Variants in ANO3 observed in about 807,000 individuals in gnomAD.
ANO3 encodes anoctamin 3, also known as anoctamin-3.
A neutral mutation model predicts 144.8 loss-of-function variants in ANO3; 99 were observed. The ratio of observed to expected loss-of-function variants is 0.68; its 90% CI spans 0.58 to 0.81. ANO3 has a LOEUF of 0.81. Among genes scored for constraint, ANO3 ranks in the 30% least tolerant of loss-of-function variants. The probability of loss-of-function intolerance (pLI) is 0.00; values close to 1 mark genes in which losing one functional copy is unlikely to be tolerated. For missense variants in ANO3, 905 were observed against 1,202.2 expected (o/e 0.75, Z 3.66); for synonymous variants, 414 against 392.6 (o/e 1.05, Z -0.64).
At chr11:26,193,420 G>A (rs34566602) in intron 1 of ANO3, among the ~76,000 whole-genome samples, 35,872 of 151,980 alleles carry the variant, frequency 0.24, 4,906 homozygotes, top group Non-Finnish European at 0.29. Flanking sequence ...GATTACAGGC[G>A]TCAGCCACCA....
chr11:26,417,023 A>G (rs1236229138), intron 1 of ANO3, among the ~76,000 whole-genome samples: 1 of 152,112 alleles, frequency 6.6e-6, no homozygotes, highest in Non-Finnish European at 1.5e-5. Flanking sequence ...AGACCAAGAA[A>G]AAATATACTA....
At chr11:26,372,126 G>T (rs1345202940) in intron 1 of ANO3, among the ~76,000 whole-genome samples, 7 of 152,236 alleles carry the variant, frequency 4.6e-5, no homozygotes, top group Non-Finnish European at 1.0e-4. Flanking sequence ...GACTAGGTGG[G>T]AGGTAATTGA....
At chr11:26,195,993 T>C (rs564579226) in intron 1 of ANO3, among the ~76,000 whole-genome samples, 1 of 152,326 alleles carries the variant, frequency 6.6e-6, no homozygotes, top group Admixed American at 6.5e-5. Context: ...TTTTCCATTG[T>C]TCTGCCTATT....
At chr11:26,206,135 AG>A (rs1376472692) in intron 1 of ANO3, among the ~76,000 whole-genome samples, 23 of 152,304 alleles carry the variant, frequency 1.5e-4, no homozygotes, top group African/African-American at 5.3e-4. Flanking sequence ...ATTTAAATAC[AG>A]GTTTATGTGG....
chr11:26,344,009 G>A (rs1377738670), intron 1 of ANO3, among the ~76,000 whole-genome samples: 2 of 152,056 alleles, frequency 1.3e-5, no homozygotes, highest in African/African-American at 4.8e-5. Context: ...TTCTTAGGCC[G>A]ATTTTTAAAA....
At chr11:26,510,704 A>G (rs1234697674) in intron 5 of ANO3, among the ~76,000 whole-genome samples, 1 of 152,224 alleles carries the variant, frequency 6.6e-6, no homozygotes, top group East Asian at 1.9e-4. Context: ...TACAGTCAGT[A>G]TAGGAGTCAG....
chr11:26,463,780 T>C (rs1859500932), intron 4 of ANO3, among the ~76,000 whole-genome samples: 1 of 151,886 alleles, frequency 6.6e-6, no homozygotes, highest in Non-Finnish European at 1.5e-5. Context: ...CATGGGAGTG[T>C]TCCCATCAGA....
rs573756118 is a variant in ANO3, at chr11:26,495,256, C to T, written c.433-12848C>T. 1.2e-4 allele frequency among the ~76,000 whole-genome samples: 18 copies of T among 146,630 alleles called. No homozygotes were observed. In the South Asian group the frequency reaches 3.8e-3, roughly 31 times the overall value. On this transcript the variant is annotated intron_variant, in intron 4 of 26. Coordinates refer to ENST00000256737, the MANE Select transcript of ANO3 (RefSeq NM_031418.4). ...AGTAGCTGGGAATACAGACGTGCCA[C>T]CACGGCTGGCTGATTTTTTTTTTTT...
At chr11:26,484,185 G>A (rs1026718112) in intron 4 of ANO3, among the ~76,000 whole-genome samples, 2 of 152,150 alleles carry the variant, frequency 1.3e-5, no homozygotes, top group African/African-American at 4.8e-5. Flanking sequence ...GAGCATAAAA[G>A]TTTGGAAAAT....
chr11:26,428,719 T>C (rs1365559184), intron 1 of ANO3, among the ~76,000 whole-genome samples: 2 of 99,846 alleles, frequency 2.0e-5, no homozygotes, highest in Non-Finnish European at 4.1e-5. Flanking sequence ...ATTTGTTCCT[T>C]GTAGAATTTG....
At chr11:26,466,216 G>A (rs1452486161) in intron 4 of ANO3, among the ~76,000 whole-genome samples, 2 of 151,886 alleles carry the variant, frequency 1.3e-5, no homozygotes, top group Non-Finnish European at 2.9e-5. Flanking sequence ...ATATCAATTG[G>A]GAAATCCATG....
At chr11:26,552,157 G>T (rs960385298) in intron 12 of ANO3, among the ~76,000 whole-genome samples, 2 of 151,944 alleles carry the variant, frequency 1.3e-5, no homozygotes, top group African/African-American at 4.8e-5. Context: ...CCCAAGATTG[G>T]AGTGAAGACT....
chr11:26,473,490 T>C (rs1033186593), intron 4 of ANO3, among the ~76,000 whole-genome samples: 3 of 151,894 alleles, frequency 2.0e-5, no homozygotes, highest in African/African-American at 7.2e-5. Context: ...CTTTCCATTA[T>C]ACCTTTCTCC....
chr11:26,507,112 T>C (rs2134135146), intron 4 of ANO3, among the ~76,000 whole-genome samples: 1 of 152,238 alleles, frequency 6.6e-6, no homozygotes, highest in South Asian at 2.1e-4. Flanking sequence ...AGAAATTGGG[T>C]TCAAGTCCTG....
At chr11:26,599,141 A>G (rs1004881193) in intron 16 of ANO3, 143 bp downstream of exon 16, 1 of 848,178 alleles carries the variant, frequency 1.2e-6, no homozygotes, top group Non-Finnish European at 1.8e-6. Flanking sequence ...AATTAAACAA[A>G]CAAATCACAA....
At chr11:26,444,234 G>A (rs922754848) in intron 3 of ANO3, among the ~76,000 whole-genome samples, 1 of 152,164 alleles carries the variant, frequency 6.6e-6, no homozygotes, top group African/African-American at 2.4e-5. Flanking sequence ...TCCTATAACA[G>A]TGACAAGTTT....
At chr11:26,204,987 G>T (rs564317932) in intron 1 of ANO3, among the ~76,000 whole-genome samples, 1 of 152,122 alleles carries the variant, frequency 6.6e-6, no homozygotes, top group African/African-American at 2.4e-5. Context: ...AAAGGCCTCA[G>T]GAAACTTACA....
chr11:26,355,694 G>A lies in ANO3; in HGVS notation c.46+23373G>A, dbSNP rs143033780. ...TCTGCCTCAGCCTCCCGAGTAGCTG[G>A]GATTACAGGCGCCCCCCACCACGCC... On this transcript the variant is annotated intron_variant, in intron 1 of 26. Transcript: ENST00000256737. Among the ~76,000 whole-genome samples the A allele has an allele frequency of 8.9e-3, 1,348 of 151,634 alleles. 12 individuals carry two copies. Among genetic ancestry groups the A allele is most frequent in the African/African-American group, 0.031 (1,263 of 41,144 alleles).
chr11:26,570,849 G>C (rs1480542707), intron 14 of ANO3, among the ~76,000 whole-genome samples: 1 of 152,052 alleles, frequency 6.6e-6, no homozygotes, highest in African/African-American at 2.4e-5. Flanking sequence ...AACAATAAAT[G>C]AGGACATAAG....
Sources: allele counts gnomAD v4.1 joint callset (sites outside exome capture counted in the v4.1 genomes callset), GRCh38; gene constraint gnomAD v4.1.1; transcripts MANE v1.5; gene names NCBI Gene and HGNC (gene_info 2026-07-23, HGNC 2026-07-21).